Variants in BBX observed in about 807,000 individuals in gnomAD.
The protein encoded by BBX is HMG box transcription factor BBX.
A neutral mutation model predicts 100.2 loss-of-function variants in BBX; 30 were observed. The observed-to-expected ratio is 0.30, with a 90% CI of 0.22 to 0.41. The LOEUF is 0.41. Ranked by LOEUF, BBX falls within the 10% of genes least tolerant of loss-of-function variation. The pLI is 1.00. For missense variants in BBX, 1,023 were observed against 1,129.8 expected, an observed-to-expected ratio of 0.91 and a Z score of 1.35; for synonymous variants, 376 against 388.1, an observed-to-expected ratio of 0.97 and a Z score of 0.37.
chr3:107,565,678 C>T (rs1324747795), intron 2 of BBX, among the ~76,000 whole-genome samples: 1 of 150,916 alleles, frequency 6.6e-6, no homozygotes, highest in Non-Finnish European at 1.5e-5. Flanking sequence ...CCATCTTGGT[C>T]AGACTGGTCT....
At chr3:107,626,486 G>C (rs2056183862) in intron 2 of BBX, among the ~76,000 whole-genome samples, 1 of 152,102 alleles carries the variant, frequency 6.6e-6, no homozygotes, top group Non-Finnish European at 1.5e-5. Context: ...CTGGCTCAGG[G>C]TATCTCATGA....
At chr3:107,795,382 T>C (rs1168931474) in intron 15 of BBX, among the ~76,000 whole-genome samples, 2 of 152,192 alleles carry the variant, frequency 1.3e-5, no homozygotes, top group Non-Finnish European at 1.5e-5. Context: ...GTCCTCAGTC[T>C]AAACCACCAA....
At chr3:107,690,891 CCTTTTT>C (rs1439784506) in intron 3 of BBX, among the ~76,000 whole-genome samples, 61 of 72,328 alleles carry the variant, frequency 8.4e-4, no homozygotes, top group Non-Finnish European at 1.5e-3. Context: ...TGCCCCCCCC[CCTTTTT>C]TTTTTTTTTT....
chr3:107,562,931 T>G (rs960397336), intron 2 of BBX, among the ~76,000 whole-genome samples: 14 of 152,254 alleles, frequency 9.2e-5, no homozygotes, highest in African/African-American at 7.2e-5. Flanking sequence ...GCCAGTGGTC[T>G]TCTTTTTCCC....
At chr3:107,616,351 A>T (rs924843788) in intron 2 of BBX, among the ~76,000 whole-genome samples, 1 of 152,122 alleles carries the variant, frequency 6.6e-6, no homozygotes, top group Non-Finnish European at 1.5e-5. Context: ...CATTTTGGAA[A>T]AGGGTTACTC....
intron 2 of BBX, among the ~76,000 whole-genome samples, chr3:107,546,790 G>A (rs1424898120): frequency 6.6e-6 from 1 of 152,110 alleles, no homozygotes; most frequent in Non-Finnish European, 1.5e-5. Flanking sequence ...CTTTATAAAT[G>A]TAATATAGTT....
At chr3:107,606,923 C>T (rs984299299) in intron 2 of BBX, among the ~76,000 whole-genome samples, 1 of 151,980 alleles carries the variant, frequency 6.6e-6, no homozygotes, top group Non-Finnish European at 1.5e-5. Flanking sequence ...ATTAACCATC[C>T]CCACTTCCCC....
chr3:107,620,952 G>C (rs1221624780), intron 2 of BBX, among the ~76,000 whole-genome samples: 1 of 149,796 alleles, frequency 6.7e-6, no homozygotes, highest in Non-Finnish European at 1.5e-5. Flanking sequence ...GTGGGGGGGT[G>C]GGGGGAGAAA....
At chr3:107,591,016 C>T (rs1331088078) in intron 2 of BBX, among the ~76,000 whole-genome samples, 2 of 152,234 alleles carry the variant, frequency 1.3e-5, no homozygotes, top group South Asian at 4.1e-4. Flanking sequence ...CCTAACACAA[C>T]TTGAAATACC....
In BBX at chr3:107,531,048, T is replaced by C. The variant is rs1250681034; in HGVS notation, c.-84+4650T>C. On this transcript the variant is annotated intron_variant, in intron 2 of 17. Coordinates refer to ENST00000325805, the MANE Select transcript of BBX (RefSeq NM_001142568.3). ...CATGGAATTTAGATTTTAGCACATG[T>C]AGCAGGTGATTCTAAAGCAAGTAGG... 2.6e-5 allele frequency among the ~76,000 whole-genome samples: 4 copies of C among 152,328 alleles called. No individual in the cohort carries two copies. The East Asian group carries it at 7.7e-4, about 29-fold the overall frequency.
chr3:107,730,395 C>G (rs948001143), intron 6 of BBX, among the ~76,000 whole-genome samples: 1 of 152,030 alleles, frequency 6.6e-6, no homozygotes, highest in Non-Finnish European at 1.5e-5. Context: ...TAACTGACTT[C>G]CAGCTGATTT....
At chr3:107,803,981 T>C (rs1255822320) in intron 17 of BBX, among the ~76,000 whole-genome samples, 1 of 151,742 alleles carries the variant, frequency 6.6e-6, no homozygotes, top group African/African-American at 2.4e-5. Context: ...CTAATACTTA[T>C]TAAAATTCTT....
At chr3:107,659,345 C>G (rs1193181796) in intron 3 of BBX, among the ~76,000 whole-genome samples, 6 of 151,722 alleles carry the variant, frequency 4.0e-5, no homozygotes, top group Non-Finnish European at 5.9e-5. Flanking sequence ...ACTACAGCTC[C>G]CTAAATGCTT....
intron 11 of BBX, among the ~76,000 whole-genome samples, chr3:107,774,489 T>A (rs1389035166): frequency 6.6e-6 from 1 of 152,226 alleles, no homozygotes; most frequent in East Asian, 1.9e-4. Context: ...AGTCATGTGA[T>A]ACCTGTTGAA....
At chr3:107,734,523 G>T (rs1286411351) in intron 7 of BBX, among the ~76,000 whole-genome samples, 2 of 152,108 alleles carry the variant, frequency 1.3e-5, no homozygotes, top group Non-Finnish European at 2.9e-5. Context: ...TGTTCCAAAG[G>T]TGAATGTTGG....
intron 3 of BBX, among the ~76,000 whole-genome samples, chr3:107,672,025 T>C (rs1034199541): frequency 6.6e-6 from 1 of 152,098 alleles, no homozygotes; most frequent in African/African-American, 2.4e-5. Context: ...TTTGAAGTTT[T>C]GATATCCACA....
intron 2 of BBX, among the ~76,000 whole-genome samples, chr3:107,614,092 C>G (rs1258565038): frequency 6.6e-6 from 1 of 151,922 alleles, no homozygotes; most frequent in Non-Finnish European, 1.5e-5. Flanking sequence ...GCTGGGACTA[C>G]AGGCACACAC....
In BBX at chr3:107,712,269, T is replaced by C. The variant is rs148838641; in HGVS notation, c.162+1647T>C. ...TTACCCTTCAAATGATTGTGTTCTC[T>C]AGGCCTCCAATCTTAATTTCTACCT... On this transcript the variant is annotated intron_variant, in intron 4 of 17. Transcript: ENST00000325805. 3.7e-4 allele frequency among the ~76,000 whole-genome samples: 56 copies of C among 152,342 alleles called. 1 individual carries two copies. The highest frequency in any genetic ancestry group is 1.3e-3 in the African/African-American group (55 of 41,586).
intron 2 of BBX, among the ~76,000 whole-genome samples, chr3:107,585,464 T>A (rs2052761570): frequency 6.6e-6 from 1 of 152,128 alleles, no homozygotes; most frequent in Non-Finnish European, 1.5e-5. Context: ...AGGCTTAGCT[T>A]CTTGAATGGT....
Sources: allele counts gnomAD v4.1 joint callset (sites outside exome capture counted in the v4.1 genomes callset), GRCh38; gene constraint gnomAD v4.1.1; transcripts MANE v1.5; gene names NCBI Gene and HGNC (gene_info 2026-07-23, HGNC 2026-07-21).